Variants in KIAA1958 observed in about 807,000 individuals in gnomAD.
KIAA1958 encodes uncharacterized protein KIAA1958.
A neutral mutation model predicts 47.2 loss-of-function variants in KIAA1958; 14 were observed. The observed-to-expected ratio is 0.30, with a 90% confidence interval of 0.20 to 0.46. The LOEUF is 0.46. Among genes scored for constraint, KIAA1958 ranks in the 20% least tolerant of loss-of-function variants. The pLI, the probability that KIAA1958 is intolerant of heterozygous loss-of-function variation, is 1.00. For synonymous variants in KIAA1958, 354 were observed against 353.3 expected, an observed-to-expected ratio of 1.00 and a Z score of -0.02; for missense variants, 803 against 909.2, an observed-to-expected ratio of 0.88 and a Z score of 1.50.
intron 1 of KIAA1958, among the ~76,000 whole-genome samples, chr9:112,510,326 T>C (rs75199589): frequency 0.055 from 8,320 of 152,282 alleles, 334 homozygotes; most frequent in Non-Finnish European, 0.077. Flanking sequence ...GCACCCTGCA[T>C]ATAGTCAACT....
chr9:112,637,484 T>A (rs1385039831), intron 2 of KIAA1958, among the ~76,000 whole-genome samples: 1 of 152,060 alleles, frequency 6.6e-6, no homozygotes, highest in African/African-American at 2.4e-5. Context: ...TTCAAGCGAC[T>A]CTCCTGCCTC....
intron 1 of KIAA1958, among the ~76,000 whole-genome samples, chr9:112,522,446 G>A (rs1433127017): frequency 6.6e-6 from 1 of 152,058 alleles, no homozygotes; most frequent in Non-Finnish European, 1.5e-5. Context: ...AGTAGCTCTG[G>A]GCCTGCTTTC....
chr9:112,527,709 G>A (rs1354849038), intron 1 of KIAA1958, among the ~76,000 whole-genome samples: 6 of 152,076 alleles, frequency 3.9e-5, no homozygotes, highest in South Asian at 2.1e-4. Context: ...GACTGAGGCG[G>A]GCAGATCTCT....
chr9:112,520,818 G>A (rs1174646917), intron 1 of KIAA1958, among the ~76,000 whole-genome samples: 1 of 152,130 alleles, frequency 6.6e-6, no homozygotes, highest in African/African-American at 2.4e-5. Context: ...GACCATCTGT[G>A]GTTTGAATCA....
At chr9:112,581,702 G>T in intron 2 of KIAA1958, 1 of 160,282 alleles carries the variant, frequency 6.2e-6, no homozygotes, top group Non-Finnish European at 1.4e-5. Flanking sequence ...GGGAAGGGAA[G>T]GAACATTGAA....
intron 2 of KIAA1958, among the ~76,000 whole-genome samples, chr9:112,629,025 CT>C (rs1836666099): frequency 6.6e-6 from 1 of 152,150 alleles, no homozygotes; most frequent in Admixed American, 6.6e-5. Flanking sequence ...AAATGAAGAA[CT>C]TCCATGGTTT....
chr9:112,512,058 A>G lies in KIAA1958; in HGVS notation c.-25+24940A>G, dbSNP rs149801477. On this transcript the variant is annotated intron_variant, in intron 1 of 3. Transcript: ENST00000337530. ...AACCTTCCCACAAAGGAAACTGCAG[A>G]CACAGATGGCTTTGCTATGGAATTC... is the stretch of plus-strand genomic sequence containing the variant. Among the ~76,000 whole-genome samples the G allele has an allele frequency of 3.2e-3, 480 of 152,334 alleles. 3 individuals are homozygous for G. Among genetic ancestry groups the G allele is most frequent in the African/African-American group, 0.011 (455 of 41,580 alleles).
At chr9:112,546,731 T>C (rs930604984) in intron 1 of KIAA1958, among the ~76,000 whole-genome samples, 5 of 152,156 alleles carry the variant, frequency 3.3e-5, no homozygotes, top group African/African-American at 1.2e-4. Context: ...CTGAATTTTA[T>C]GTTTCTCAGA....
chr9:112,515,456 G>A (rs1834410773), intron 1 of KIAA1958, among the ~76,000 whole-genome samples: 1 of 143,660 alleles, frequency 7.0e-6, no homozygotes, highest in Non-Finnish European at 1.5e-5. Flanking sequence ...GGGAAAGGTG[G>A]GGAAAAGATT....
chr9:112,575,268 G>T lies in KIAA1958; in HGVS notation c.1171+17G>T. ...GCATACCAGGTATGGCACATGAGGC[G>T]ACAGTGAGTCCCTCATCCACGCACG... On this transcript the variant is annotated intron_variant, in intron 2 of 3. Transcript: ENST00000337530. 4.7e-6 allele frequency: 7 copies of T among 1,477,936 alleles called. No individual in the cohort carries two copies. The highest frequency in any genetic ancestry group is 1.3e-5 in the South Asian group (1 of 74,702). The allele number at this position is 1,477,936 out of a possible 1,614,324, so 91.6% of individuals were successfully genotyped here.
chr9:112,488,127 C>A (rs1226747312), intron 1 of KIAA1958, among the ~76,000 whole-genome samples: 1 of 152,222 alleles, frequency 6.6e-6, no homozygotes, highest in East Asian at 1.9e-4. Context: ...AAACAATGAT[C>A]TAGCTTTCCC....
At chr9:112,491,299 C>T (rs781757870) in intron 1 of KIAA1958, among the ~76,000 whole-genome samples, 8 of 152,176 alleles carry the variant, frequency 5.3e-5, no homozygotes, top group East Asian at 1.9e-4. Context: ...GACGTTAAAA[C>T]GTTGAAGCAA....
At chr9:112,565,158 TA>T (rs1588020011) in intron 1 of KIAA1958, among the ~76,000 whole-genome samples, 1 of 152,266 alleles carries the variant, frequency 6.6e-6, no homozygotes, top group African/African-American at 2.4e-5. Context: ...TTTCATAATA[TA>T]AATGCTAATA....
intron 2 of KIAA1958, among the ~76,000 whole-genome samples, chr9:112,591,238 C>T (rs958022988): frequency 3.3e-5 from 5 of 152,174 alleles, no homozygotes; most frequent in Non-Finnish European, 2.9e-5. Context: ...TGCCCACCAC[C>T]ACGCCCGGCT....
chr9:112,619,052 CT>C, intron 2 of KIAA1958: 1 of 916,048 alleles, frequency 1.1e-6, no homozygotes, highest in Non-Finnish European at 1.4e-6. Context: ...ATATATTTTT[CT>C]TTTTACAAAT....
intron 1 of KIAA1958, among the ~76,000 whole-genome samples, chr9:112,543,769 C>T (rs2132826698): frequency 6.6e-6 from 1 of 152,074 alleles, no homozygotes; most frequent in East Asian, 1.9e-4. Flanking sequence ...GATAGGGTTT[C>T]TCCGTGTTGG....
At chr9:112,490,049 C>G (rs1022958454) in intron 1 of KIAA1958, among the ~76,000 whole-genome samples, 4 of 152,148 alleles carry the variant, frequency 2.6e-5, no homozygotes, top group Non-Finnish European at 2.9e-5. Flanking sequence ...GAGGTGTGGA[C>G]AGTGACCTCT....
chr9:112,494,596 T>A (rs575084864), intron 1 of KIAA1958, among the ~76,000 whole-genome samples: 67 of 152,102 alleles, frequency 4.4e-4, no homozygotes, highest in African/African-American at 1.6e-3. Flanking sequence ...TAGCCCCAAG[T>A]AGCTGGGACT....
chr9:112,624,104 T>C (rs1470925236), intron 2 of KIAA1958, among the ~76,000 whole-genome samples: 1 of 152,170 alleles, frequency 6.6e-6, no homozygotes, highest in East Asian at 1.9e-4. Context: ...GGGAGGAAAG[T>C]CAAGGGGAAT....
Sources: allele counts gnomAD v4.1 joint callset (sites outside exome capture counted in the v4.1 genomes callset), GRCh38; gene constraint gnomAD v4.1.1; transcripts MANE v1.5; gene names NCBI Gene and HGNC (gene_info 2026-07-23, HGNC 2026-07-21).